The following TCN2 variants were observed in gnomAD, a reference collection of about 807,000 sequenced individuals.
The protein encoded by TCN2 is transcobalamin 2.
Under a neutral mutation model 48.6 loss-of-function variants are expected in TCN2, and 34 were observed. The observed-to-expected ratio is 0.70, with a 90% CI of 0.53 to 0.93. The LOEUF is 0.93. TCN2 is among the 40% of genes least tolerant of loss of function. The probability of loss-of-function intolerance (pLI) is 0.00; values close to 1 mark genes in which losing one functional copy is unlikely to be tolerated. For missense variants in TCN2, 652 were observed against 526.1 expected (o/e 1.24, Z -2.34); for synonymous variants, 283 against 212.5 (o/e 1.33, Z -2.89).
In TCN2 at chr22:30,626,529, G is replaced by C; in HGVS notation, c.*8G>C. The C allele has an allele frequency of 6.2e-7, 1 of 1,614,002 alleles. No homozygotes were observed. Among genetic ancestry groups the C allele is most frequent in the Non-Finnish European group, 8.5e-7 (1 of 1,179,988 alleles). ...AGGCTGGTTAGCTGGTAGCCCCTGA[G>C]CTCCCTCATCCCAGCAGCCTCGCAC... is the stretch of plus-strand genomic sequence containing the variant. On this transcript the variant is annotated 3_prime_UTR_variant, in exon 9 of 9. Transcript: ENST00000215838.
chr22:30,619,866 G>A (rs1388929259), intron 7 of TCN2, among the ~76,000 whole-genome samples: 1 of 152,154 alleles, frequency 6.6e-6, no homozygotes, highest in Non-Finnish European at 1.5e-5. Flanking sequence ...TAAATATAAA[G>A]TCTTTGGCCA....
At chr22:30,623,286 AG>A in intron 8 of TCN2, 2 of 533,416 alleles carry the variant, frequency 3.7e-6, no homozygotes, top group African/African-American at 4.0e-5. Flanking sequence ...CTAGGAAACC[AG>A]ACAGATTACA....
intron 7 of TCN2, among the ~76,000 whole-genome samples, chr22:30,618,437 C>T (rs1040389088): frequency 4.6e-5 from 7 of 151,352 alleles, no homozygotes; most frequent in Non-Finnish European, 8.8e-5. Flanking sequence ...CTGCAACCTC[C>T]GTCTCCTGGG....
At chr22:30,614,528 C>G (rs572492822) in intron 4 of TCN2, 27 bp downstream of exon 4, 1 of 1,613,730 alleles carries the variant, frequency 6.2e-7, no homozygotes, top group South Asian at 1.1e-5. Context: ...GTGCCAAGGC[C>G]AGGCTGGCAC....
At chr22:30,610,316 G>A (rs2087517812) in intron 1 of TCN2, 1 of 470,602 alleles carries the variant, frequency 2.1e-6, no homozygotes, top group Non-Finnish European at 4.4e-6. Context: ...GGAAGTTTGC[G>A]TTGTTTGGAA....
At chr22:30,610,148 A>T (rs1473760162) in intron 1 of TCN2, 5 of 466,310 alleles carry the variant, frequency 1.1e-5, no homozygotes, top group Non-Finnish European at 2.2e-5. Flanking sequence ...CTTCGAATAA[A>T]TCCCACAGCA....
At position 30,612,243 on chromosome 22, in the gene TCN2, A is replaced by G. The variant is rs533507232; in HGVS notation, c.258-630A>G. On this transcript the variant is annotated intron_variant, in intron 2 of 8. Coordinates refer to ENST00000215838, the MANE Select transcript of TCN2 (RefSeq NM_000355.4). ...CTGGGAGACAGAGAGACCCTATCTC[A>G]GTAAAAAAAAAAAATAAAAATATGG... 3.5e-5 allele frequency among the ~76,000 whole-genome samples: 5 copies of G among 143,942 alleles called. No individual in the cohort carries two copies. In the East Asian group the frequency reaches 1.1e-3, roughly 31 times the overall value. 94.4% of individuals were successfully genotyped at this position (143,942 alleles called of 152,430 possible).
chr22:30,623,869 TATAC>T (rs1287549311), intron 8 of TCN2, among the ~76,000 whole-genome samples: 1 of 68,498 alleles, frequency 1.5e-5, no homozygotes, highest in South Asian at 3.1e-4. Context: ...TACACACATA[TATAC>T]ACACATATAT....
At chr22:30,615,522 G>C in intron 5 of TCN2, 49 bp downstream of exon 5, 1 of 1,613,976 alleles carries the variant, frequency 6.2e-7, no homozygotes, top group Non-Finnish European at 8.5e-7. Flanking sequence ...ACAGTCAGGG[G>C]TGGAGTGGTC....
At chr22:30,617,148 A>G (rs1053999388) in intron 6 of TCN2, among the ~76,000 whole-genome samples, 182 bp from the exon 7 acceptor site, 5 of 151,924 alleles carry the variant, frequency 3.3e-5, no homozygotes, top group Non-Finnish European at 7.4e-5. Flanking sequence ...GTGGTGGGGA[A>G]TGAGGGACAG....
intron 8 of TCN2, among the ~76,000 whole-genome samples, chr22:30,624,204 A>G (rs1317722868): frequency 6.6e-6 from 1 of 150,992 alleles, no homozygotes; most frequent in African/African-American, 2.4e-5. Flanking sequence ...CCTCCCAAGT[A>G]GCTGGGATTA....
intron 1 of TCN2, among the ~76,000 whole-genome samples, chr22:30,607,609 A>G (rs1164760960): frequency 2.0e-5 from 3 of 152,182 alleles, no homozygotes; most frequent in Admixed American, 2.0e-4. Context: ...TCGTTCACAC[A>G]TTCATTCAGC....
chr22:30,620,297 A>C (rs564942274), intron 7 of TCN2, among the ~76,000 whole-genome samples: 2 of 152,332 alleles, frequency 1.3e-5, no homozygotes, highest in African/African-American at 4.8e-5. Flanking sequence ...ACCACACACA[A>C]AAAAAGTCCT....
rs2087823481 is a variant in TCN2, at chr22:30,627,234, G to A, written c.*713G>A. On this transcript the variant is annotated 3_prime_UTR_variant, in exon 9 of 9. Transcript: ENST00000215838. ...CTACTGACTGAGCACCCACTACTAT[G>A]ACTGAGCACTCACTCGCTAGATACT... The A allele has an allele frequency of 6.3e-6, 1 of 158,220 alleles. No homozygotes were observed. The highest frequency in any genetic ancestry group is 1.4e-5 in the Non-Finnish European group (1 of 71,398). 9.8% of individuals were successfully genotyped at this position (158,220 alleles called of 1,614,324 possible).
At chr22:30,617,875 C>G (rs1286179206) in intron 7 of TCN2, among the ~76,000 whole-genome samples, 1 of 152,198 alleles carries the variant, frequency 6.6e-6, no homozygotes, top group Non-Finnish European at 1.5e-5. Context: ...TGTGCAAGGT[C>G]CAGCACATAG....
At chr22:30,613,276 TTTTG>T (rs991356438) in intron 3 of TCN2, among the ~76,000 whole-genome samples, 90 of 152,212 alleles carry the variant, frequency 5.9e-4, no homozygotes, top group South Asian at 1.0e-3. Context: ...GTTTTTTGTT[TTTTG>T]TTTGTTTGTT....
intron 7 of TCN2, among the ~76,000 whole-genome samples, chr22:30,617,873 G>A (rs536065810): frequency 6.6e-6 from 1 of 152,192 alleles, no homozygotes; most frequent in African/African-American, 2.4e-5. Context: ...TATGTGCAAG[G>A]TCCAGCACAT....
intron 8 of TCN2, among the ~76,000 whole-genome samples, chr22:30,623,584 T>TA (rs1569046077): frequency 6.6e-6 from 1 of 151,628 alleles, no homozygotes; most frequent in African/African-American, 2.4e-5. Flanking sequence ...AGATACTTTT[T>TA]AAAAATATGG....
intron 7 of TCN2, among the ~76,000 whole-genome samples, chr22:30,621,974 G>A (rs910100814): frequency 5.3e-5 from 8 of 152,128 alleles, no homozygotes; most frequent in Admixed American, 1.3e-4. Flanking sequence ...GATGAAGGAC[G>A]TGGCCCACGG....
Sources: allele counts gnomAD v4.1 joint callset (sites outside exome capture counted in the v4.1 genomes callset), GRCh38; gene constraint gnomAD v4.1.1; transcripts MANE v1.5; gene names NCBI Gene and HGNC (gene_info 2026-07-23, HGNC 2026-07-21).